The following ARSF variants were observed in gnomAD, a reference collection of about 807,000 sequenced individuals.
ARSF encodes arylsulfatase F.
In ARSF, 33 loss-of-function variants were observed where a neutral mutation model predicts 35.4. That is an observed-to-expected ratio of 0.93 (90% CI 0.71 to 1.25). The LOEUF is 1.25. Among genes scored for constraint, ARSF ranks in the 50% most tolerant of loss-of-function variants. The pLI, the probability that ARSF is intolerant of heterozygous loss-of-function variation, is 0.00. For synonymous variants in ARSF, 222 were observed against 193.1 expected (o/e 1.15, Z -1.24); for missense variants, 501 against 480.2 (o/e 1.04, Z -0.40).
chrX:3,081,069 T>C, intron 5 of ARSF, 56 bp downstream of exon 5: 1 of 1,175,847 alleles, frequency 8.5e-7, no homozygotes, highest in East Asian at 3.0e-5. Flanking sequence ...TGTCCTTTGT[T>C]CTACCCTTGA....
intron 1 of ARSF, among the ~76,000 whole-genome samples, chrX:3,059,231 G>A (rs1270945065): frequency 9.0e-6 from 1 of 111,520 alleles, no homozygotes; most frequent in Non-Finnish European, 1.9e-5. Context: ...GGGAGGCTGG[G>A]GTGGGTGGAT....
At chrX:3,079,880 A>G (rs2090184745) in intron 4 of ARSF, among the ~76,000 whole-genome samples, 1 of 103,082 alleles carries the variant, frequency 9.7e-6, no homozygotes, top group Non-Finnish European at 2.0e-5. Context: ...AATTGCTTGA[A>G]CTCAGGAGGC....
chrX:3,068,894 CAA>C (rs1316222186), intron 2 of ARSF, among the ~76,000 whole-genome samples: 1 of 111,886 alleles, frequency 8.9e-6, no homozygotes, highest in African/African-American at 3.2e-5. Flanking sequence ...TTGCATACAG[CAA>C]AAAAATTGTA....
At chrX:3,045,554 C>CTT (rs780857677) in intron 1 of ARSF, among the ~76,000 whole-genome samples, 8 of 89,905 alleles carry the variant, frequency 8.9e-5, no homozygotes, top group East Asian at 3.4e-4. Flanking sequence ...CTGGGCTAAT[C>CTT]TTTTTTTTTT....
At position 3,045,452 on chromosome X, in the gene ARSF, C is replaced by T. The variant is rs1041197450; in HGVS notation, c.-29+3789C>T. 8.1e-5 allele frequency among the ~76,000 whole-genome samples: 9 copies of T among 110,670 alleles called. No homozygotes were observed. The East Asian group carries it at 1.7e-3, about 21-fold the overall frequency. The stretch of plus-strand genomic sequence containing the variant: ...GAGGCAGTGTATGATTTACATAGGA[C>T]GCAAAAGATTGGTTGGACCAGGTGT... On this transcript the variant is annotated intron_variant, in intron 1 of 10. Coordinates refer to ENST00000381127, the MANE Select transcript of ARSF (RefSeq NM_001201539.2).
intron 7 of ARSF, among the ~76,000 whole-genome samples, chrX:3,093,510 G>C (rs925113992): frequency 3.6e-5 from 4 of 111,804 alleles, no homozygotes; most frequent in Non-Finnish European, 5.6e-5. Flanking sequence ...ACATGTGGTA[G>C]TTGGTTTTCT....
intron 7 of ARSF, among the ~76,000 whole-genome samples, chrX:3,100,660 C>T (rs1041722935): frequency 1.8e-5 from 2 of 111,384 alleles, no homozygotes; most frequent in East Asian, 5.6e-4. Flanking sequence ...TGCAGTGGCA[C>T]GATCTGAGCT....
rs1569148308 is a variant in ARSF, at chrX:3,104,059, A to G, written c.1265+135A>G. ...TATCTACACAGTTTTACCTTCCTAT[A>G]TGACTGTGTCTATTCAGCATTTTTC... On this transcript the variant is annotated intron_variant, in intron 9 of 10. Transcript: ENST00000381127. 1.5e-5 allele frequency: 9 copies of G among 610,204 alleles called. No homozygotes were observed. The East Asian group carries it at 2.5e-4, about 17-fold the overall frequency. The allele number at this position is 610,204 out of a possible 1,213,427, so 50.3% of individuals were successfully genotyped here. A position where few individuals can be genotyped will look rare whatever the true frequency, so the allele number is the denominator to read the frequency against.
chrX:3,102,355 C>T (rs1025331743), intron 8 of ARSF, among the ~76,000 whole-genome samples: 32 of 111,982 alleles, frequency 2.9e-4, no homozygotes, highest in African/African-American at 1.0e-3. Context: ...AGCTTAACTC[C>T]CACTTATAAG....
chrX:3,080,890 G>C lies in ARSF; in HGVS notation c.284-1G>C, dbSNP rs1311670944. 2.5e-6 allele frequency: 3 copies of C among 1,210,936 alleles called. No individual in the cohort carries two copies. ...TGTACTTTTTTCCACACTACATCTA[G>C]GTATGGTTTCTAGTGGTAATAGACG... On this transcript the variant is annotated splice_acceptor_variant, in intron 4 of 10. Coordinates refer to ENST00000381127, the MANE Select transcript of ARSF (RefSeq NM_001201539.2). LOFTEE classifies it high-confidence loss of function.
chrX:3,076,720 A>G (rs1368527372), intron 4 of ARSF, 51 bp downstream of exon 4: 1 of 1,184,274 alleles, frequency 8.4e-7, no homozygotes, highest in East Asian at 3.0e-5. Flanking sequence ...TTAGGATGTG[A>G]GGAAACAAAA....
At chrX:3,048,513 A>G (rs1198611184) in intron 1 of ARSF, among the ~76,000 whole-genome samples, 1 of 112,175 alleles carries the variant, frequency 8.9e-6, no homozygotes, top group Admixed American at 9.4e-5. Flanking sequence ...CTGATCAAGG[A>G]CTCAAAAGAA....
chrX:3,084,134 T>C, intron 5 of ARSF, 109 bp from the exon 6 acceptor site: 2 of 907,555 alleles, frequency 2.2e-6, no homozygotes, highest in East Asian at 3.1e-5. Flanking sequence ...TACTTTATTT[T>C]TGTGTATTAG....
In ARSF at chrX:3,072,027, A is replaced by G; in HGVS notation, c.13A>G (p.Arg5Gly). 8.3e-7 allele frequency: 1 copy of G among 1,202,675 alleles called. No individual in the cohort carries two copies. The highest frequency in any genetic ancestry group is 2.2e-5 in the Admixed American group (1 of 44,950). Residue 5 changes from arginine to glycine, a missense_variant and splice_region_variant, in exon 3 of 11, where the codon AGA (arginine) becomes GGA (glycine). By Grantham distance (125) the Arg-to-Gly change is moderately radical. Transcript: ENST00000381127. The part of the protein sequence containing the change: MRPR[R>G]PLVFMSLVCA... ...ATAAAATCCCTGCTTGCTTTCCAGGAGACCCTTGGTCTTCATGTCTTTGGT... is the reference window on the plus strand; with the variant it reads ...ATAAAATCCCTGCTTGCTTTCCAGGGGACCCTTGGTCTTCATGTCTTTGGT...
At position 3,095,539 on chromosome X, in the gene ARSF, A is replaced by G. The variant is rs941149777; in HGVS notation, c.968-5548A>G. ...TATTATATATTATGTACATGTATACATCAGTACCATAGAGGTTTTATTAAA... is the reference window on the plus strand; with the variant it reads ...TATTATATATTATGTACATGTATACGTCAGTACCATAGAGGTTTTATTAAA... On this transcript the variant is annotated intron_variant, in intron 7 of 10. Coordinates refer to ENST00000381127, the MANE Select transcript of ARSF (RefSeq NM_001201539.2). Among the ~76,000 whole-genome samples the G allele has an allele frequency of 2.7e-5, 3 of 109,323 alleles. No individual in the cohort carries two copies. In the Admixed American group the frequency reaches 3.0e-4, roughly 11 times the overall value. The allele number at this position is 109,323 out of a possible 115,157, so 94.9% of individuals were successfully genotyped here. A position where few individuals can be genotyped will look rare whatever the true frequency, so the allele number is the denominator to read the frequency against.
At position 3,084,647 on chromosome X, in the gene ARSF, G is replaced by A. The variant is rs1249347505; in HGVS notation, c.811G>A (p.Ala271Thr). Reference sequence around the variant, plus strand: ...AGCTGGATCCATTATGGTGAAGGAAGCGATTTCCTTTTTAGAAAGGTAAGC... The same window carrying A: ...AGCTGGATCCATTATGGTGAAGGAAACGATTTCCTTTTTAGAAAGGTAAGC... ...ERAGSIMVKEAISFLERHSKE... is the reference protein window; with the variant it reads ...ERAGSIMVKETISFLERHSKE... Residue 271 changes from alanine to threonine, a missense_variant, in exon 6 of 11, where the codon GCG becomes ACG. Coordinates refer to ENST00000381127, the MANE Select transcript of ARSF (RefSeq NM_001201539.2). 1 of 1,165,077 alleles carries A rather than the reference G, an allele frequency of 8.6e-7. No individual in the cohort carries two copies. Among genetic ancestry groups the A allele is most frequent in the Non-Finnish European group, 1.1e-6 (1 of 875,525 alleles).
At chrX:3,087,187 C>T (rs764569509) in intron 6 of ARSF, among the ~76,000 whole-genome samples, 1 of 112,140 alleles carries the variant, frequency 8.9e-6, no homozygotes, top group East Asian at 2.8e-4. Context: ...CACATGTTCA[C>T]AGGTTTTGAG....
At chrX:3,058,001 T>C (rs1250302687) in intron 1 of ARSF, among the ~76,000 whole-genome samples, 3 of 111,839 alleles carry the variant, frequency 2.7e-5, no homozygotes, top group Admixed American at 9.5e-5. Flanking sequence ...AATAGGACTG[T>C]CTTTGACTTA....
chrX:3,043,382 T>G (rs1040305090), intron 1 of ARSF, among the ~76,000 whole-genome samples: 2 of 112,014 alleles, frequency 1.8e-5, no homozygotes, highest in African/African-American at 6.5e-5. Context: ...TAAAAGGAAA[T>G]TATAATCATT....
Sources: gnomAD v4.1 joint callset for allele counts (sites outside exome capture counted in the v4.1 genomes callset) on GRCh38, gnomAD v4.1.1 for gene constraint, MANE v1.5 for transcripts, NCBI Gene and HGNC (gene_info 2026-07-23, HGNC 2026-07-21) for gene names.